SLC30A9: variants seen among roughly 807,000 people sequenced by gnomAD.
SLC30A9 encodes proton-coupled zinc antiporter SLC30A9, mitochondrial.
SLC30A9 carries 58 observed loss-of-function variants against 87.5 expected under a neutral mutation model. That is an observed-to-expected ratio of 0.66 (90% confidence interval 0.54 to 0.82). The LOEUF is 0.82. Among genes scored for constraint, SLC30A9 ranks in the 40% least tolerant of loss-of-function variants. The pLI is 0.00. For missense variants in SLC30A9, 557 were observed against 679.1 expected (o/e 0.82, Z 2.00); for synonymous variants, 234 against 233.0 (o/e 1.00, Z -0.04).
In SLC30A9 at chr4:42,086,063, TG is replaced by T; in HGVS notation, c.1663-17del. 2 of 1,431,704 alleles carry T rather than the reference TG, an allele frequency of 1.4e-6. No individual in the cohort carries two copies. Among genetic ancestry groups the T allele is most frequent in the Non-Finnish European group, 9.6e-7 (1 of 1,038,004 alleles). The allele number at this position is 1,431,704 out of a possible 1,614,324, so 88.7% of individuals were successfully genotyped here. ...TTTTATTTTGCTACAAATAATGTGG[TG>T]GTGATTTTTCTTTCCAGAAACGAAA... On this transcript the variant is annotated intron_variant, in intron 17 of 17. Coordinates refer to ENST00000264451, the MANE Select transcript of SLC30A9 (RefSeq NM_006345.4).
chr4:42,081,171 A>G (rs567646173), intron 17 of SLC30A9, among the ~76,000 whole-genome samples: 125 of 152,222 alleles, frequency 8.2e-4, no homozygotes, highest in Non-Finnish European at 1.3e-3. Context: ...TCAGCTCACA[A>G]CTTAAGCAAT....
At chr4:42,003,317 A>G (rs887330111) in intron 2 of SLC30A9, among the ~76,000 whole-genome samples, 1 of 152,142 alleles carries the variant, frequency 6.6e-6, no homozygotes, top group Non-Finnish European at 1.5e-5. Context: ...TGGTGTTTAT[A>G]CACATCAATT....
chr4:42,008,859 G>A (rs929846114), intron 2 of SLC30A9, among the ~76,000 whole-genome samples: 3 of 152,128 alleles, frequency 2.0e-5, no homozygotes, highest in Non-Finnish European at 4.4e-5. Flanking sequence ...CTCCCTTTGG[G>A]TTTACCTGTG....
At chr4:42,059,325 A>G (rs1717751818) in intron 9 of SLC30A9, among the ~76,000 whole-genome samples, 1 of 152,182 alleles carries the variant, frequency 6.6e-6, no homozygotes, top group Non-Finnish European at 1.5e-5. Flanking sequence ...TGTGATTTCT[A>G]GATTCACATC....
Position 42,070,588 on chromosome 4 carries a change from GCATTCCTCAT to G in SLC30A9, c.1317_1326del (p.Phe440ThrfsTer8). 6.2e-7 allele frequency: 1 copy of G among 1,613,414 alleles called. No individual in the cohort carries two copies. Among genetic ancestry groups the G allele is most frequent in the Non-Finnish European group, 8.5e-7 (1 of 1,179,680 alleles). ...GGGCACCTTATTAGGCATGGTCTCA[GCATTCCTCAT>G]CTACACTAACACAGAAGCACTCTTA... On this transcript the variant is annotated frameshift_variant, in exon 15 of 18. Coordinates refer to ENST00000264451, the MANE Select transcript of SLC30A9 (RefSeq NM_006345.4). LOFTEE classifies it high-confidence loss of function.
chr4:42,066,537 G>C lies in SLC30A9; in HGVS notation c.1073-13G>C, dbSNP rs1464099631. 6.3e-7 allele frequency: 1 copy of C among 1,581,006 alleles called. No individual in the cohort carries two copies. Among genetic ancestry groups the C allele is most frequent in the Non-Finnish European group, 8.6e-7 (1 of 1,157,758 alleles). ...AAGTTTCTGTCTTGCTGATATGAAT[G>C]CTTTTCTTTTAGCAACACTTCTTGT... On this transcript the variant is annotated splice_polypyrimidine_tract_variant and intron_variant, in intron 12 of 17. Coordinates refer to ENST00000264451, the MANE Select transcript of SLC30A9 (RefSeq NM_006345.4).
rs1714561970 is a variant in SLC30A9 at position 41,993,712 on chromosome 4, TAAAG to T, written c.109+2956_109+2959del. ...AGTTTTTACTCAAAAGGATTTACTT[TAAAG>T]AAATAATCAAAATACATATTAAAAT... On this transcript the variant is annotated intron_variant, in intron 1 of 17. Coordinates refer to ENST00000264451, the MANE Select transcript of SLC30A9 (RefSeq NM_006345.4). Among the ~76,000 whole-genome samples, 6 of 152,194 alleles carry T rather than the reference TAAAG, an allele frequency of 3.9e-5. No homozygotes were observed. The South Asian group carries it at 1.2e-3, about 31-fold the overall frequency.
intron 1 of SLC30A9, among the ~76,000 whole-genome samples, chr4:41,994,914 G>A: frequency 6.6e-6 from 1 of 151,694 alleles, no homozygotes; most frequent in African/African-American, 2.4e-5. Context: ...CCTCTGCTGG[G>A]GATAAAAGTT....
chr4:42,085,952 AT>A (rs1383446625), intron 17 of SLC30A9, 129 bp from the exon 18 acceptor site: 1 of 285,282 alleles, frequency 3.5e-6, no homozygotes, highest in Non-Finnish European at 6.6e-6. Context: ...TTATGCAACT[AT>A]TTCTCTCATT....
At chr4:42,060,896 C>G (rs530313292) in intron 10 of SLC30A9, among the ~76,000 whole-genome samples, 48 of 152,132 alleles carry the variant, frequency 3.2e-4, no homozygotes, top group African/African-American at 1.2e-3. Context: ...AGGAGTCTAC[C>G]TCTATTCTTT....
At chr4:41,998,334 A>G (rs925500367) in intron 1 of SLC30A9, among the ~76,000 whole-genome samples, 7 of 152,234 alleles carry the variant, frequency 4.6e-5, no homozygotes, top group African/African-American at 1.7e-4. Flanking sequence ...GGCCAGTAGA[A>G]TAGTAAGTGC....
intron 1 of SLC30A9, among the ~76,000 whole-genome samples, 163 bp downstream of exon 1, chr4:41,990,923 G>A (rs1714406223): frequency 6.6e-6 from 1 of 152,256 alleles, no homozygotes; most frequent in South Asian, 2.1e-4. Flanking sequence ...AGCCCGCGGG[G>A]GTCCTGACAG....
chr4:42,063,402 C>T (rs1717943397), intron 11 of SLC30A9, among the ~76,000 whole-genome samples: 1 of 152,222 alleles, frequency 6.6e-6, no homozygotes, highest in African/African-American at 2.4e-5. Flanking sequence ...TCTCCAGTTA[C>T]TGTTGAAGAA....
At chr4:42,044,274 A>G (rs1381011093) in intron 8 of SLC30A9, among the ~76,000 whole-genome samples, 1 of 152,038 alleles carries the variant, frequency 6.6e-6, no homozygotes, top group Non-Finnish European at 1.5e-5. Flanking sequence ...CAAATTGGAT[A>G]AAGAGTCAAG....
At chr4:42,000,866 G>A (rs1011699914) in intron 1 of SLC30A9, among the ~76,000 whole-genome samples, 1 of 151,952 alleles carries the variant, frequency 6.6e-6, no homozygotes, top group African/African-American at 2.4e-5. Flanking sequence ...CAAAATATAT[G>A]AATGATATCT....
At chr4:42,053,803 A>C (rs1306759044) in intron 9 of SLC30A9, among the ~76,000 whole-genome samples, 2 of 152,098 alleles carry the variant, frequency 1.3e-5, no homozygotes, top group African/African-American at 4.8e-5. Flanking sequence ...TACAGCAGAT[A>C]AACAAATTGT....
At chr4:42,079,450 T>C (rs949179437) in intron 17 of SLC30A9, among the ~76,000 whole-genome samples, 4 of 150,064 alleles carry the variant, frequency 2.7e-5, no homozygotes, top group African/African-American at 9.9e-5. Context: ...CCTGCCACCA[T>C]GCCCAGCTAA....
At position 41,990,573 on chromosome 4, in the gene SLC30A9, A is replaced by G. The variant is rs1228564301; in HGVS notation, c.-79A>G. The G allele has an allele frequency of 1.2e-6, 1 of 809,024 alleles. No homozygotes were observed. The highest frequency in any genetic ancestry group is 1.7e-5 in the African/African-American group (1 of 59,350). The allele number at this position is 809,024 out of a possible 1,614,324, so 50.1% of individuals were successfully genotyped here. A position where few individuals can be genotyped will look rare whatever the true frequency, so the allele number is the denominator to read the frequency against. On this transcript the variant is annotated 5_prime_UTR_variant, in exon 1 of 18. Transcript: ENST00000264451. ...AAGCCATCGGTGTTCGCTGATGTCC[A>G]GTCTATGGAGTCAGTTGGTACCGGT...
At chr4:42,038,763 T>C (rs1716793358) in intron 7 of SLC30A9, among the ~76,000 whole-genome samples, 1 of 152,234 alleles carries the variant, frequency 6.6e-6, no homozygotes, top group African/African-American at 2.4e-5. Flanking sequence ...AGGCAGGACA[T>C]GAATTACAAG....
Sources: allele counts gnomAD v4.1 joint callset (sites outside exome capture counted in the v4.1 genomes callset), GRCh38; gene constraint gnomAD v4.1.1; transcripts MANE v1.5; gene names NCBI Gene and HGNC (gene_info 2026-07-23, HGNC 2026-07-21).